Variants in PHACTR1 observed in about 807,000 individuals in gnomAD.
PHACTR1 encodes RPEL repeat containing 1.
PHACTR1 carries 16 observed loss-of-function variants against 69.2 expected under a neutral mutation model. The ratio of observed to expected loss-of-function variants is 0.23; its 90% CI spans 0.16 to 0.35. The LOEUF (loss-of-function observed/expected upper bound fraction) is 0.35. Ranked by LOEUF, PHACTR1 falls within the 10% of genes least tolerant of loss-of-function variation. PHACTR1 has a pLI of 1.00. For missense variants in PHACTR1, 510 were observed against 734.7 expected, an observed-to-expected ratio of 0.69 and a Z score of 3.54; for synonymous variants, 312 against 284.5, an observed-to-expected ratio of 1.10 and a Z score of -0.97.
intron 4 of PHACTR1, among the ~76,000 whole-genome samples, chr6:12,884,082 A>G (rs991357309): frequency 1.3e-5 from 2 of 152,122 alleles, no homozygotes; most frequent in East Asian, 1.9e-4. Context: ...ACACACACAT[A>G]CACAAATATA....
chr6:12,867,998 G>A (rs1475165793), intron 4 of PHACTR1, among the ~76,000 whole-genome samples: 1 of 152,178 alleles, frequency 6.6e-6, no homozygotes, highest in Non-Finnish European at 1.5e-5. Flanking sequence ...GGTGGCTCAT[G>A]CCTGTAATCT....
chr6:13,024,944 T>C (rs530801004), intron 4 of PHACTR1, among the ~76,000 whole-genome samples: 303 of 152,304 alleles, frequency 2.0e-3, no homozygotes, highest in Non-Finnish European at 3.5e-3. Context: ...TTGGGCTGCA[T>C]GCCTAGGTTA....
chr6:13,096,034 C>G (rs1194674992), intron 5 of PHACTR1, among the ~76,000 whole-genome samples: 2 of 151,994 alleles, frequency 1.3e-5, no homozygotes, highest in African/African-American at 2.4e-5. Flanking sequence ...GAATGACCTT[C>G]TTCTCCTTTG....
At chr6:12,842,904 AT>A (rs1396332399) in intron 4 of PHACTR1, among the ~76,000 whole-genome samples, 1 of 152,216 alleles carries the variant, frequency 6.6e-6, no homozygotes, top group African/African-American at 2.4e-5. Flanking sequence ...CCTATTGATT[AT>A]TTAAAGAATG....
At chr6:13,104,181 C>A (rs1304283739) in intron 5 of PHACTR1, among the ~76,000 whole-genome samples, 1 of 152,186 alleles carries the variant, frequency 6.6e-6, no homozygotes, top group Non-Finnish European at 1.5e-5. Flanking sequence ...TCCAGGACTT[C>A]AAATTGAATT....
At chr6:12,807,212 A>G (rs1370497320) in intron 4 of PHACTR1, among the ~76,000 whole-genome samples, 3 of 152,242 alleles carry the variant, frequency 2.0e-5, no homozygotes, top group Admixed American at 1.3e-4. Context: ...TACTTAGTAC[A>G]GAGTGGGTAC....
intron 4 of PHACTR1, among the ~76,000 whole-genome samples, chr6:13,019,482 T>C (rs1002964873): frequency 6.6e-6 from 1 of 152,224 alleles, no homozygotes; most frequent in Non-Finnish European, 1.5e-5. Context: ...GATTCTGCAA[T>C]ATCTGTTTCA....
intron 4 of PHACTR1, among the ~76,000 whole-genome samples, chr6:12,864,885 C>A (rs182513635): frequency 6.6e-6 from 1 of 152,130 alleles, no homozygotes; most frequent in East Asian, 1.9e-4. Flanking sequence ...TTATACAGCC[C>A]GGCATTTATA....
At chr6:12,731,165 G>A (rs975442914) in intron 3 of PHACTR1, among the ~76,000 whole-genome samples, 9 of 151,922 alleles carry the variant, frequency 5.9e-5, no homozygotes, top group East Asian at 1.9e-4. Context: ...ACAGGTGCCC[G>A]CCACCATGCC....
intron 4 of PHACTR1, among the ~76,000 whole-genome samples, chr6:13,030,965 G>T (rs1471334135): frequency 6.6e-6 from 1 of 152,132 alleles, no homozygotes; most frequent in East Asian, 1.9e-4. Context: ...GCAGTATCCT[G>T]GCCTCCACTC....
At chr6:12,789,590 C>A (rs1390614816) in intron 4 of PHACTR1, among the ~76,000 whole-genome samples, 1 of 152,090 alleles carries the variant, frequency 6.6e-6, no homozygotes, top group East Asian at 1.9e-4. Flanking sequence ...TTGACATCCT[C>A]ACTCAAATGG....
At chr6:13,033,828 T>A (rs1027222401) in intron 4 of PHACTR1, among the ~76,000 whole-genome samples, 2 of 152,200 alleles carry the variant, frequency 1.3e-5, no homozygotes, top group Non-Finnish European at 2.9e-5. Context: ...AGAACTAGTT[T>A]ATGACTTTTA....
chr6:12,890,983 G>A (rs933994896), intron 4 of PHACTR1, among the ~76,000 whole-genome samples: 1 of 152,132 alleles, frequency 6.6e-6, no homozygotes, highest in Non-Finnish European at 1.5e-5. Context: ...ACAAAGTAAT[G>A]CTCAATAATC....
At chr6:12,927,008 T>C (rs983030337) in intron 4 of PHACTR1, among the ~76,000 whole-genome samples, 1 of 152,244 alleles carries the variant, frequency 6.6e-6, no homozygotes, top group African/African-American at 2.4e-5. Context: ...CCAGCTCAGA[T>C]GTCACCTTCT....
chr6:13,005,192 T>C (rs1798633070), intron 4 of PHACTR1, among the ~76,000 whole-genome samples: 1 of 151,366 alleles, frequency 6.6e-6, no homozygotes, highest in Admixed American at 6.6e-5. Context: ...TCTCTCTTTT[T>C]TCTTTCTTTT....
At chr6:12,806,992 AT>A (rs1195182419) in intron 4 of PHACTR1, among the ~76,000 whole-genome samples, 1 of 152,076 alleles carries the variant, frequency 6.6e-6, no homozygotes, top group Non-Finnish European at 1.5e-5. Context: ...TTATGATGAC[AT>A]TTTTTTCAAA....
chr6:13,123,966 C>G (rs1819129468), intron 5 of PHACTR1, among the ~76,000 whole-genome samples: 1 of 152,094 alleles, frequency 6.6e-6, no homozygotes, highest in Non-Finnish European at 1.5e-5. Flanking sequence ...GCCCAAGTCT[C>G]AAAGGAATCA....
chr6:12,832,297 A>G (rs1777669878), intron 4 of PHACTR1, among the ~76,000 whole-genome samples: 1 of 152,170 alleles, frequency 6.6e-6, no homozygotes, highest in Non-Finnish European at 1.5e-5. Context: ...ATGTTAGCTA[A>G]GAGTCTGAAA....
intron 10 of PHACTR1, among the ~76,000 whole-genome samples, chr6:13,251,000 T>TAC (rs137996162): frequency 0.065 from 9,890 of 151,570 alleles, 600 homozygotes; most frequent in African/African-American, 0.16. Flanking sequence ...ATATCCATTT[T>TAC]ACACACACAC....
Sources: allele counts gnomAD v4.1 joint callset (sites outside exome capture counted in the v4.1 genomes callset), GRCh38; gene constraint gnomAD v4.1.1; transcripts MANE v1.5; gene names NCBI Gene and HGNC (gene_info 2026-07-23, HGNC 2026-07-21).